The following DPY19L2 variants were observed in gnomAD, a reference collection of about 807,000 sequenced individuals.
DPY19L2 encodes probable C-mannosyltransferase DPY19L2.
A neutral mutation model predicts 97.9 loss-of-function variants in DPY19L2; 34 were observed. The observed-to-expected ratio is 0.35, with a 90% CI of 0.26 to 0.46. DPY19L2 has a LOEUF of 0.46. Among genes scored for constraint, DPY19L2 ranks in the 20% least tolerant of loss-of-function variants. The probability of loss-of-function intolerance (pLI) is 1.00; values close to 1 mark genes in which losing one functional copy is unlikely to be tolerated. For synonymous variants in DPY19L2, 230 were observed against 307.9 expected, an observed-to-expected ratio of 0.75 and a Z score of 2.65; for missense variants, 623 against 911.4, an observed-to-expected ratio of 0.68 and a Z score of 4.07.
intron 16 of DPY19L2, among the ~76,000 whole-genome samples, chr12:63,587,749 T>G (rs1199851751): frequency 1.3e-5 from 2 of 151,854 alleles, no homozygotes; most frequent in Non-Finnish European, 2.9e-5. Context: ...ATTTGTGTAT[T>G]TTTAGTGGAG....
chr12:63,621,511 C>A (rs557012327), intron 8 of DPY19L2, among the ~76,000 whole-genome samples, 174 bp from the exon 9 acceptor site: 2 of 152,260 alleles, frequency 1.3e-5, no homozygotes, highest in South Asian at 4.2e-4. Flanking sequence ...ATACTTCATT[C>A]CTTGCATGAA....
intron 21 of DPY19L2, 100 bp from the exon 22 acceptor site, chr12:63,560,762 T>G: frequency 6.9e-6 from 10 of 1,448,448 alleles, no homozygotes; most frequent in Non-Finnish European, 9.3e-6. Flanking sequence ...ATTTATTTCA[T>G]AAGTTAAATA....
At chr12:63,660,193 T>C (rs1895491578) in intron 4 of DPY19L2, among the ~76,000 whole-genome samples, 1 of 152,028 alleles carries the variant, frequency 6.6e-6, no homozygotes, top group Admixed American at 6.6e-5. Flanking sequence ...CTAGACAAAA[T>C]ATTGCACATA....
At chr12:63,628,422 A>C (rs1001995916) in intron 6 of DPY19L2, among the ~76,000 whole-genome samples, 18 of 152,254 alleles carry the variant, frequency 1.2e-4, no homozygotes, top group African/African-American at 2.6e-4. Context: ...AGATTATATC[A>C]CACACCTGGC....
chr12:63,565,215 T>G (rs1249915692), intron 21 of DPY19L2, among the ~76,000 whole-genome samples: 1 of 152,200 alleles, frequency 6.6e-6, no homozygotes, highest in Non-Finnish European at 1.5e-5. Context: ...CTATATTCGT[T>G]TCCTATTGCT....
At chr12:63,597,627 G>C (rs187861116) in intron 14 of DPY19L2, among the ~76,000 whole-genome samples, 182 bp downstream of exon 14, 3 of 122,780 alleles carry the variant, frequency 2.4e-5, no homozygotes, top group African/African-American at 3.5e-5. Flanking sequence ...CTATAAGATA[G>C]AGGCTATCTT....
At chr12:63,569,087 A>G in intron 21 of DPY19L2, 137 bp downstream of exon 21, 2 of 953,986 alleles carry the variant, frequency 2.1e-6, no homozygotes, top group Non-Finnish European at 2.8e-6. Context: ...AGATGAAATA[A>G]TTTAAACTAA....
chr12:63,641,640 GTTCA>G (rs777357845), intron 6 of DPY19L2, among the ~76,000 whole-genome samples: 8 of 151,916 alleles, frequency 5.3e-5, no homozygotes, highest in Admixed American at 2.6e-4. Flanking sequence ...TAGCTGTATA[GTTCA>G]TTCATTCTCA....
At chr12:63,576,129 A>G (rs1430760801) in intron 19 of DPY19L2, among the ~76,000 whole-genome samples, 1 of 151,984 alleles carries the variant, frequency 6.6e-6, no homozygotes, top group Non-Finnish European at 1.5e-5. Context: ...GGATGCAAAG[A>G]TAGTTCAACG....
At chr12:63,620,494 A>G (rs1164884116) in intron 9 of DPY19L2, among the ~76,000 whole-genome samples, 1 of 152,200 alleles carries the variant, frequency 6.6e-6, no homozygotes, top group Admixed American at 6.5e-5. Context: ...AACATTTGTG[A>G]ATAAAAATAA....
intron 3 of DPY19L2, among the ~76,000 whole-genome samples, chr12:63,661,706 T>C (rs1435879353): frequency 6.6e-6 from 1 of 152,060 alleles, no homozygotes; most frequent in Non-Finnish European, 1.5e-5. Context: ...ACTAAAGAGA[T>C]GGAGGGATGG....
intron 1 of DPY19L2, chr12:63,666,494 T>C (rs1896351407): frequency 1.3e-5 from 6 of 444,852 alleles, no homozygotes; most frequent in Non-Finnish European, 2.2e-5. Context: ...GCTCTGGGTA[T>C]GGAGCTTTTA....
intron 19 of DPY19L2, among the ~76,000 whole-genome samples, chr12:63,579,413 G>A (rs1880474149): frequency 6.6e-6 from 1 of 152,246 alleles, no homozygotes; most frequent in Non-Finnish European, 1.5e-5. Flanking sequence ...TGGTAACCAT[G>A]AGATAACTCA....
Position 63,559,268 on chromosome 12 carries a change from CCTGT to C in DPY19L2, c.*1240_*1243del, listed in dbSNP as rs1876062370. The C allele has an allele frequency of 1.3e-5, 2 of 152,030 alleles. No homozygotes were observed. The highest frequency in any genetic ancestry group is 3.9e-4 in the East Asian group (2 of 5,192). The allele number at this position is 152,030 out of a possible 1,614,324, so 9.4% of individuals were successfully genotyped here. A position where few individuals can be genotyped will look rare whatever the true frequency, so the allele number is the denominator to read the frequency against. On this transcript the variant is annotated 3_prime_UTR_variant, in exon 22 of 22. Coordinates refer to ENST00000324472, the MANE Select transcript of DPY19L2 (RefSeq NM_173812.5). ...TTATTGGTTTTGCTGCATATAGCTG[CCTGT>C]CTACTATAAGAGAACTAATCCATAA...
At chr12:63,648,219 A>G (rs1351228322) in intron 4 of DPY19L2, among the ~76,000 whole-genome samples, 1 of 151,948 alleles carries the variant, frequency 6.6e-6, no homozygotes, top group Admixed American at 6.6e-5. Context: ...ACTTCCTTGG[A>G]CTCCAGAATT....
chr12:63,608,958 T>C lies in DPY19L2; in HGVS notation c.1219-283A>G, dbSNP rs115911412. ...CTAATTCCTCTACAAAGATAAATGGTATGTGAGCAGATGAGAGCAACCATG... is the reference window on the plus strand; with the variant it reads ...CTAATTCCTCTACAAAGATAAATGGCATGTGAGCAGATGAGAGCAACCATG... On this transcript the variant is annotated intron_variant, in intron 11 of 21. Coordinates refer to ENST00000324472, the MANE Select transcript of DPY19L2 (RefSeq NM_173812.5). 4.2e-3 allele frequency among the ~76,000 whole-genome samples: 638 copies of C among 152,126 alleles called. 11 individuals carry two copies. The highest frequency in any genetic ancestry group is 0.015 in the African/African-American group (604 of 41,486).
chr12:63,659,378 T>G (rs1487447128), intron 4 of DPY19L2, among the ~76,000 whole-genome samples: 1 of 151,880 alleles, frequency 6.6e-6, no homozygotes, highest in African/African-American at 2.4e-5. Context: ...TGGAGATCTA[T>G]ACCATGATCG....
chr12:63,565,176 T>A (rs1159432652), intron 21 of DPY19L2, among the ~76,000 whole-genome samples: 2 of 152,204 alleles, frequency 1.3e-5, no homozygotes, highest in Non-Finnish European at 2.9e-5. Context: ...AATCTGACAG[T>A]TCTTGCTTTT....
rs552749867 is a variant in DPY19L2, at chr12:63,661,497, G to A, written c.451-16C>T. The A allele has an allele frequency of 1.3e-5, 19 of 1,492,196 alleles. No individual in the cohort carries two copies. In the South Asian group the frequency reaches 2.2e-4, roughly 17 times the overall value. The allele number at this position is 1,492,196 out of a possible 1,614,324, so 92.4% of individuals were successfully genotyped here. ...AATAAAGTCCCTTTTTTTAAAAAAAGACATATATTGTCAATGTAATTAAAA... is the reference window on the plus strand; with the variant it reads ...AATAAAGTCCCTTTTTTTAAAAAAAAACATATATTGTCAATGTAATTAAAA... On this transcript the variant is annotated splice_polypyrimidine_tract_variant and intron_variant, in intron 3 of 21. Transcript: ENST00000324472.
Sources: allele counts gnomAD v4.1 joint callset (sites outside exome capture counted in the v4.1 genomes callset), GRCh38; gene constraint gnomAD v4.1.1; transcripts MANE v1.5; gene names NCBI Gene and HGNC (gene_info 2026-07-23, HGNC 2026-07-21).